Variants in BABAM2 observed in about 807,000 individuals in gnomAD.
BABAM2 encodes BRISC and BRCA1-A complex member 2.
In BABAM2, 31 loss-of-function variants were observed where a neutral mutation model predicts 54.7. The ratio of observed to expected loss-of-function variants is 0.57; its 90% CI spans 0.43 to 0.77. The LOEUF is 0.77. Among genes scored for constraint, BABAM2 ranks in the 30% least tolerant of loss-of-function variants. The pLI is 0.00. For missense variants in BABAM2, 364 were observed against 455.8 expected, an observed-to-expected ratio of 0.80 and a Z score of 1.83; for synonymous variants, 167 against 162.9, an observed-to-expected ratio of 1.03 and a Z score of -0.19.
intron 6 of BABAM2, among the ~76,000 whole-genome samples, chr2:28,085,253 T>G (rs1284785063): frequency 6.6e-6 from 1 of 152,248 alleles, no homozygotes; most frequent in Non-Finnish European, 1.5e-5. Flanking sequence ...CATATTAAGC[T>G]TTATTAAACA....
At chr2:28,131,733 G>A (rs1453320568) in intron 7 of BABAM2, among the ~76,000 whole-genome samples, 2 of 152,144 alleles carry the variant, frequency 1.3e-5, no homozygotes, top group Non-Finnish European at 2.9e-5. Context: ...TGAGTGTTTA[G>A]CAGGGATAAG....
intron 6 of BABAM2, among the ~76,000 whole-genome samples, chr2:28,122,739 T>A (rs1669184786): frequency 6.6e-6 from 1 of 152,212 alleles, no homozygotes; most frequent in Admixed American, 6.5e-5. Context: ...TAGAGCATAA[T>A]GATAAATTGT....
intron 10 of BABAM2, among the ~76,000 whole-genome samples, chr2:28,297,130 T>C (rs1687764635): frequency 6.6e-6 from 1 of 152,242 alleles, no homozygotes; most frequent in African/African-American, 2.4e-5. Context: ...CAGTGTCCTC[T>C]GGAGTAGGAG....
At chr2:28,069,272 T>G (rs1663905263) in intron 6 of BABAM2, among the ~76,000 whole-genome samples, 1 of 152,234 alleles carries the variant, frequency 6.6e-6, no homozygotes, top group Non-Finnish European at 1.5e-5. Flanking sequence ...TACAATATGT[T>G]GGAATGTTCT....
At position 28,329,054 on chromosome 2, in the gene BABAM2, C is replaced by G. The variant is rs912822043; in HGVS notation, c.1089-9396C>G. ...AGACTTCGTTGAACAAAGTTTCCTACTGGCCTCAACCCCAAGGCCTCTGAG... is the reference window on the plus strand; with the variant it reads ...AGACTTCGTTGAACAAAGTTTCCTAGTGGCCTCAACCCCAAGGCCTCTGAG... On this transcript the variant is annotated intron_variant, in intron 11 of 11. Coordinates refer to ENST00000379624, the MANE Select transcript of BABAM2 (RefSeq NM_199191.3). This position sits in a 1 kb window ranked among gnomAD's most constrained non-coding sequence, Gnocchi z 4.2. Among the ~76,000 whole-genome samples, 2 of 152,208 alleles carry G rather than the reference C, an allele frequency of 1.3e-5. No individual in the cohort carries two copies. Among genetic ancestry groups the G allele is most frequent in the Admixed American group, 1.3e-4 (2 of 15,282 alleles).
chr2:28,326,641 C>A (rs910242798), intron 11 of BABAM2, among the ~76,000 whole-genome samples: 2 of 152,178 alleles, frequency 1.3e-5, no homozygotes, highest in African/African-American at 2.4e-5. Flanking sequence ...GACTGGCTCA[C>A]GCTCCGCCTA....
At chr2:28,273,777 G>T (rs997775274) in intron 10 of BABAM2, among the ~76,000 whole-genome samples, 2 of 152,116 alleles carry the variant, frequency 1.3e-5, no homozygotes, top group Non-Finnish European at 2.9e-5. Context: ...AAGTGTGGAG[G>T]CTACACAGGC....
chr2:27,970,844 T>C (rs1038494637), intron 3 of BABAM2, among the ~76,000 whole-genome samples: 2 of 152,172 alleles, frequency 1.3e-5, no homozygotes, highest in Non-Finnish European at 2.9e-5. Flanking sequence ...TTTTGGTTAT[T>C]CATGACATTA....
chr2:28,192,479 A>G lies in BABAM2; in HGVS notation c.681-44723A>G, dbSNP rs544944136. On this transcript the variant is annotated intron_variant, in intron 7 of 11. Coordinates refer to ENST00000379624, the MANE Select transcript of BABAM2 (RefSeq NM_199191.3). ...AAATAGAGAAGCTAATGCAGTCACA[A>G]TTTATGGGTCTTTATTCATTTGACT... 4.0e-5 allele frequency among the ~76,000 whole-genome samples: 6 copies of G among 150,350 alleles called. No individual in the cohort carries two copies. In the East Asian group the frequency reaches 1.0e-3, roughly 25 times the overall value.
intron 8 of BABAM2, among the ~76,000 whole-genome samples, chr2:28,239,362 C>A (rs1203485989): frequency 3.9e-5 from 6 of 152,134 alleles, no homozygotes; most frequent in Non-Finnish European, 8.8e-5. Flanking sequence ...GTGGCTATAG[C>A]CAATATAAAC....
At chr2:27,949,269 A>C (rs1558611558) in intron 3 of BABAM2, among the ~76,000 whole-genome samples, 1 of 152,244 alleles carries the variant, frequency 6.6e-6, no homozygotes, top group Non-Finnish European at 1.5e-5. Flanking sequence ...GCGGTGGCTT[A>C]CGCCTGTAAT....
chr2:28,198,927 T>TA (rs143925479), intron 7 of BABAM2, among the ~76,000 whole-genome samples: 1 of 152,048 alleles, frequency 6.6e-6, no homozygotes, highest in South Asian at 2.1e-4. Context: ...ACAAAACCTG[T>TA]AAAAAACCTA....
At chr2:27,988,424 A>G (rs1672554261) in intron 4 of BABAM2, among the ~76,000 whole-genome samples, 1 of 152,168 alleles carries the variant, frequency 6.6e-6, no homozygotes, top group Non-Finnish European at 1.5e-5. Flanking sequence ...TCTAATGTTT[A>G]CTAACACTTC....
chr2:28,207,951 G>A (rs565885972), intron 7 of BABAM2, among the ~76,000 whole-genome samples: 2 of 152,156 alleles, frequency 1.3e-5, no homozygotes, highest in East Asian at 3.9e-4. Context: ...AAAAGAGAGA[G>A]AATACATACA....
intron 6 of BABAM2, among the ~76,000 whole-genome samples, chr2:28,052,765 G>A (rs1334863721): frequency 6.6e-6 from 1 of 152,170 alleles, no homozygotes; most frequent in Non-Finnish European, 1.5e-5. Context: ...TGGCATGAGT[G>A]TTAAAAAACA....
intron 6 of BABAM2, among the ~76,000 whole-genome samples, chr2:28,125,109 TA>T (rs1326356922): frequency 6.6e-6 from 1 of 152,104 alleles, no homozygotes; most frequent in Non-Finnish European, 1.5e-5. Flanking sequence ...AGTAAATAAG[TA>T]AAAAGTTGCT....
chr2:28,146,413 C>T (rs1006937429), intron 7 of BABAM2, among the ~76,000 whole-genome samples: 12 of 152,142 alleles, frequency 7.9e-5, no homozygotes, highest in African/African-American at 2.7e-4. Flanking sequence ...ATAGCAGATC[C>T]AAATTGCCAT....
intron 7 of BABAM2, among the ~76,000 whole-genome samples, chr2:28,165,592 T>C (rs1205506068): frequency 4.6e-5 from 6 of 130,954 alleles, no homozygotes; most frequent in Non-Finnish European, 6.2e-5. Context: ...TGGAGTGCAG[T>C]GGTATGATAT....
At chr2:28,275,882 A>C (rs1177705411) in intron 10 of BABAM2, among the ~76,000 whole-genome samples, 1 of 152,152 alleles carries the variant, frequency 6.6e-6, no homozygotes, top group Non-Finnish European at 1.5e-5. Flanking sequence ...AATAGTTTTC[A>C]AAGAATTCCT....
Sources: allele counts gnomAD v4.1 joint callset (sites outside exome capture counted in the v4.1 genomes callset), GRCh38; gene constraint gnomAD v4.1.1; non-coding constraint Gnocchi (gnomAD v3.1); transcripts MANE v1.5; gene names NCBI Gene and HGNC (gene_info 2026-07-23, HGNC 2026-07-21).